The following ETV7 variants were observed in gnomAD, a reference collection of about 807,000 sequenced individuals.
ETV7 encodes the protein ETS variant transcription factor 7, also known as transcription factor ETV7.
In ETV7, 43 loss-of-function variants were observed where a neutral mutation model predicts 39.1. The observed-to-expected ratio is 1.10, with a 90% CI of 0.86 to 1.42. The LOEUF (loss-of-function observed/expected upper bound fraction) is 1.42, where lower values mean the gene tolerates loss of function less well. Among genes scored for constraint, ETV7 ranks in the 40% most tolerant of loss-of-function variants. The probability of loss-of-function intolerance (pLI) is 0.00; values close to 1 mark genes in which losing one functional copy is unlikely to be tolerated. For synonymous variants in ETV7, 196 were observed against 176.6 expected (o/e 1.11, Z -0.87); for missense variants, 432 against 442.3 (o/e 0.98, Z 0.21).
rs531174782 is a variant in ETV7, at chr6:36,381,575, C to T, written c.142+3959G>A. 9.5e-4 allele frequency among the ~76,000 whole-genome samples: 144 copies of T among 152,276 alleles called. 1 individual carries two copies. The highest frequency in any genetic ancestry group is 2.9e-3 in the African/African-American group (121 of 41,546). On this transcript the variant is annotated intron_variant, in intron 2 of 7. Coordinates refer to ENST00000340181, the MANE Select transcript of ETV7 (RefSeq NM_016135.4). ...GCTTGCTTCTCTGCCATGATGACTA[C>T]GTTTTATCAATTATCATGTCCTTAG... is the stretch of plus-strand genomic sequence containing the variant.
intron 7 of ETV7, among the ~76,000 whole-genome samples, chr6:36,360,272 A>T (rs545786518): frequency 6.6e-6 from 1 of 152,290 alleles, no homozygotes; most frequent in East Asian, 1.9e-4. Context: ...GATGTCCCAG[A>T]TCTGTAAGAG....
At chr6:36,365,816 G>C (rs1772691451), downstream of ETV7, among the ~76,000 whole-genome samples, 1 of 152,164 alleles carries the variant, frequency 6.6e-6, no homozygotes, top group Admixed American at 6.5e-5. Flanking sequence ...AATGCCGAGT[G>C]AATTAAATGA....
chr6:36,361,133 A>G (rs1378559340), intron 7 of ETV7, among the ~76,000 whole-genome samples: 2 of 152,238 alleles, frequency 1.3e-5, no homozygotes, highest in Non-Finnish European at 2.9e-5. Flanking sequence ...GATCACGATT[A>G]AAATATTTCT....
downstream of ETV7, among the ~76,000 whole-genome samples, chr6:36,364,546 C>T (rs955687321): frequency 6.6e-6 from 1 of 152,264 alleles, no homozygotes; most frequent in Non-Finnish European, 1.5e-5. Flanking sequence ...GCCAAGCCCA[C>T]GCTCACCCGA....
chr6:36,362,216 G>T (rs555126593), downstream of ETV7, among the ~76,000 whole-genome samples: 1 of 152,066 alleles, frequency 6.6e-6, no homozygotes, highest in Non-Finnish European at 1.5e-5. Flanking sequence ...GCAGGAGAAT[G>T]GCGTGAACCC....
chr6:36,373,624 G>A, intron 3 of ETV7, 46 bp from the exon 4 acceptor site: 1 of 1,502,646 alleles, frequency 6.7e-7, no homozygotes, highest in Non-Finnish European at 8.9e-7. Flanking sequence ...CAGGCCACGT[G>A]GGGAGGGCCA....
chr6:36,383,840 A>G (rs1210287254), intron 2 of ETV7, among the ~76,000 whole-genome samples: 1 of 152,264 alleles, frequency 6.6e-6, no homozygotes, highest in East Asian at 1.9e-4. Context: ...CTAAGATGAC[A>G]GGTATAGAAG....
At chr6:36,381,956 T>C (rs964930059) in intron 2 of ETV7, among the ~76,000 whole-genome samples, 17 of 152,190 alleles carry the variant, frequency 1.1e-4, no homozygotes, top group African/African-American at 4.1e-4. Context: ...GAATTCCCCA[T>C]CTGCTTGTTT....
chr6:36,365,943 A>G (rs779628434), downstream of ETV7, among the ~76,000 whole-genome samples: 75 of 152,332 alleles, frequency 4.9e-4, no homozygotes, highest in Non-Finnish European at 7.9e-4. Flanking sequence ...AAACTGAGGC[A>G]AGAGGATCAC....
At chr6:36,373,933 T>C (rs1318049903) in intron 3 of ETV7, among the ~76,000 whole-genome samples, 1 of 152,210 alleles carries the variant, frequency 6.6e-6, no homozygotes, top group African/African-American at 2.4e-5. Flanking sequence ...CTCACGTTCC[T>C]GGGAGCAGAG....
At chr6:36,375,847 G>A (rs1277263661) in intron 3 of ETV7, 24 bp downstream of exon 3, 1 of 1,613,720 alleles carries the variant, frequency 6.2e-7, no homozygotes, top group South Asian at 1.1e-5. Context: ...CCCGCTTAGA[G>A]GAAAGCCTGT....
chr6:36,374,761 G>A (rs933971148), intron 3 of ETV7, among the ~76,000 whole-genome samples: 2 of 152,288 alleles, frequency 1.3e-5, no homozygotes, highest in African/African-American at 4.8e-5. Context: ...CTCACAGTGG[G>A]AAGTGGGTGA....
intron 5 of ETV7, among the ~76,000 whole-genome samples, chr6:36,370,085 A>G (rs978591167): frequency 3.3e-5 from 5 of 152,170 alleles, no homozygotes; most frequent in African/African-American, 1.2e-4. Flanking sequence ...TGTTGGGCCA[A>G]TTGTTTTTTA....
At chr6:36,364,801 A>C (rs1561901127), downstream of ETV7, among the ~76,000 whole-genome samples, 2 of 152,258 alleles carry the variant, frequency 1.3e-5, no homozygotes, top group Admixed American at 6.5e-5. Context: ...TCTCAATAAG[A>C]GAGGCCATGG....
Position 36,375,859 on chromosome 6 carries a change from C to T in ETV7, c.307+12G>A, listed in dbSNP as rs533695769. 116 of 1,613,882 alleles carry T rather than the reference C, an allele frequency of 7.2e-5. No homozygotes were observed. Among genetic ancestry groups the T allele is most frequent in the South Asian group, 4.4e-4 (40 of 91,088 alleles). On this transcript the variant is annotated intron_variant, in intron 3 of 7. Transcript: ENST00000340181. ...GTTCCCGCTTAGAGGAAAGCCTGTG[C>T]GTTTCCCTGACCTGAGCTGGGCGCA...
At chr6:36,360,610 T>G (rs755383023) in intron 7 of ETV7, among the ~76,000 whole-genome samples, 1 of 152,162 alleles carries the variant, frequency 6.6e-6, no homozygotes, top group Non-Finnish European at 1.5e-5. Context: ...GCAGGCTTGC[T>G]GTCCATAGAA....
At chr6:36,363,218 A>G (rs1209950804), downstream of ETV7, among the ~76,000 whole-genome samples, 1 of 152,222 alleles carries the variant, frequency 6.6e-6, no homozygotes, top group Non-Finnish European at 1.5e-5. Context: ...ACAGCTCTTC[A>G]GGTGGCGCAT....
intron 7 of ETV7, among the ~76,000 whole-genome samples, chr6:36,360,656 CAA>C (rs1437256973): frequency 6.6e-6 from 1 of 152,152 alleles, no homozygotes; most frequent in African/African-American, 2.4e-5. Flanking sequence ...CACACTAACA[CAA>C]AAAGAGGCTT....
At chr6:36,363,289 G>A (rs558910630), downstream of ETV7, among the ~76,000 whole-genome samples, 29 of 132,678 alleles carry the variant, frequency 2.2e-4, no homozygotes, top group Non-Finnish European at 3.3e-4. Flanking sequence ...TGGTGGGTTC[G>A]TGGTCTCGCT....
Sources: gnomAD v4.1 joint callset for allele counts (sites outside exome capture counted in the v4.1 genomes callset) on GRCh38, gnomAD v4.1.1 for gene constraint, MANE v1.5 for transcripts, NCBI Gene and HGNC (gene_info 2026-07-23, HGNC 2026-07-21) for gene names.